Variants in CHST9 observed in about 807,000 individuals in gnomAD.
The protein encoded by CHST9 is GalNAc-4-sulfotransferase 2.
CHST9 carries 41 observed loss-of-function variants against 44.4 expected under a neutral mutation model. The observed-to-expected ratio is 0.92, with a 90% confidence interval of 0.72 to 1.20. The LOEUF (loss-of-function observed/expected upper bound fraction) is 1.20. Ranked by LOEUF, CHST9 falls within the 50% of genes most tolerant of loss-of-function variation. CHST9 has a pLI of 0.00. For missense variants in CHST9, 504 were observed against 516.5 expected, an observed-to-expected ratio of 0.98 and a Z score of 0.23; for synonymous variants, 171 against 178.4, an observed-to-expected ratio of 0.96 and a Z score of 0.33.
At chr18:26,964,841 CAGA>C (rs1330618946) in intron 4 of CHST9, among the ~76,000 whole-genome samples, 2 of 152,232 alleles carry the variant, frequency 1.3e-5, no homozygotes, top group South Asian at 2.1e-4. Flanking sequence ...CAGAGTACAG[CAGA>C]AGAAGAGAGC....
Position 26,915,630 on chromosome 18 carries a change from G to A in CHST9, c.*629C>T, listed in dbSNP as rs1346998190. 1 of 152,086 alleles carries A rather than the reference G, an allele frequency of 6.6e-6. No homozygotes were observed. The highest frequency in any genetic ancestry group is 1.9e-4 in the East Asian group (1 of 5,184). The allele number at this position is 152,086 out of a possible 1,614,324, so 9.4% of individuals were successfully genotyped here. A position where few individuals can be genotyped will look rare whatever the true frequency, so the allele number is the denominator to read the frequency against. On this transcript the variant is annotated 3_prime_UTR_variant, in exon 6 of 6. Coordinates refer to ENST00000618847, the MANE Select transcript of CHST9 (RefSeq NM_031422.6). ...TTTCTGGAAGAAGAAGGTTGGTTTTGTTGCTTTGATCTTAGCATGTTGTGC... is the reference window on the plus strand; with the variant it reads ...TTTCTGGAAGAAGAAGGTTGGTTTTATTGCTTTGATCTTAGCATGTTGTGC...
chr18:27,049,738 C>T (rs1453988824), intron 2 of CHST9, among the ~76,000 whole-genome samples: 1 of 152,118 alleles, frequency 6.6e-6, no homozygotes, highest in Non-Finnish European at 1.5e-5. Flanking sequence ...CTAAGACTGA[C>T]CACGTGCTCA....
intron 2 of CHST9, among the ~76,000 whole-genome samples, chr18:27,121,427 C>A (rs1392734840): frequency 1.3e-5 from 2 of 152,132 alleles, no homozygotes; most frequent in Admixed American, 1.3e-4. Context: ...TCAAATCATA[C>A]TTTCCTAGCC....
At chr18:26,987,524 T>C (rs946018460) in intron 4 of CHST9, among the ~76,000 whole-genome samples, 9 of 152,150 alleles carry the variant, frequency 5.9e-5, no homozygotes, top group African/African-American at 2.2e-4. Flanking sequence ...AAAATAATAA[T>C]AATGTATTGT....
chr18:27,022,956 C>T (rs2057243549), intron 4 of CHST9, among the ~76,000 whole-genome samples: 1 of 152,134 alleles, frequency 6.6e-6, no homozygotes, highest in Non-Finnish European at 1.5e-5. Flanking sequence ...TGGCCCTTGG[C>T]TAAGTGTTTA....
chr18:27,153,542 C>CTGTGTG (rs1395670265), intron 1 of CHST9, among the ~76,000 whole-genome samples: 2 of 98,334 alleles, frequency 2.0e-5, no homozygotes, highest in Non-Finnish European at 4.3e-5. Context: ...CTCTCTCTCT[C>CTGTGTG]TCTCTGTGTG....
At chr18:27,071,437 T>C (rs1389496611) in intron 2 of CHST9, among the ~76,000 whole-genome samples, 2 of 152,236 alleles carry the variant, frequency 1.3e-5, no homozygotes, top group Non-Finnish European at 2.9e-5. Context: ...ATTTAAAATG[T>C]TCTAACTCAT....
chr18:26,953,051 T>C (rs1372102051), intron 4 of CHST9, among the ~76,000 whole-genome samples: 1 of 152,220 alleles, frequency 6.6e-6, no homozygotes, highest in Non-Finnish European at 1.5e-5. Flanking sequence ...ATGATTTTAA[T>C]TGATTTATTA....
intron 4 of CHST9, among the ~76,000 whole-genome samples, chr18:26,989,737 G>T (rs2056794148): frequency 6.6e-6 from 1 of 152,142 alleles, no homozygotes; most frequent in Non-Finnish European, 1.5e-5. Context: ...ATTGCTTGAG[G>T]CCAGGAGTTT....
intron 4 of CHST9, among the ~76,000 whole-genome samples, chr18:27,013,454 A>G (rs2057109119): frequency 1.3e-5 from 2 of 152,216 alleles, no homozygotes; most frequent in Admixed American, 6.5e-5. Context: ...AAATAATTAA[A>G]CAAACAAGAA....
chr18:27,075,271 A>G (rs9967331), intron 2 of CHST9, among the ~76,000 whole-genome samples: 19,662 of 151,740 alleles, frequency 0.13, 1,415 homozygotes, highest in Middle Eastern at 0.22. Flanking sequence ...TTTTCCAACC[A>G]GATAGCAAAC....
At chr18:27,048,344 TC>T (rs2057528161) in intron 3 of CHST9, 120 bp downstream of exon 3, 5 of 686,946 alleles carry the variant, frequency 7.3e-6, no homozygotes. Flanking sequence ...TTAATATCGA[TC>T]AGTTCAAAAA....
chr18:27,024,557 A>G (rs2057262862), intron 3 of CHST9, among the ~76,000 whole-genome samples: 1 of 152,230 alleles, frequency 6.6e-6, no homozygotes. Flanking sequence ...ATTTTCATTT[A>G]TTAATAAAAT....
At chr18:26,919,815 A>G (rs772583748) in intron 5 of CHST9, among the ~76,000 whole-genome samples, 4 of 152,130 alleles carry the variant, frequency 2.6e-5, no homozygotes, top group Non-Finnish European at 5.9e-5. Flanking sequence ...CTCTCTGTAA[A>G]TGAAACTTGG....
At chr18:27,113,158 C>T (rs2058288589) in intron 2 of CHST9, among the ~76,000 whole-genome samples, 1 of 150,352 alleles carries the variant, frequency 6.7e-6, no homozygotes, top group African/African-American at 2.5e-5. Context: ...CACTGCACTC[C>T]AGCCTGGGTG....
intron 1 of CHST9, among the ~76,000 whole-genome samples, chr18:27,171,438 A>G (rs936224325): frequency 2.0e-5 from 3 of 152,214 alleles, no homozygotes; most frequent in Non-Finnish European, 2.9e-5. Context: ...GGTTTTGTGC[A>G]CTGACTACAT....
intron 4 of CHST9, among the ~76,000 whole-genome samples, chr18:27,014,524 T>A (rs1050637790): frequency 3.6e-5 from 5 of 139,244 alleles, no homozygotes; most frequent in African/African-American, 5.5e-5. Flanking sequence ...CGAATGTTTT[T>A]GCAACTAACT....
chr18:26,954,967 A>G (rs1213883174), intron 4 of CHST9, among the ~76,000 whole-genome samples: 3 of 152,104 alleles, frequency 2.0e-5, no homozygotes, highest in Admixed American at 2.0e-4. Context: ...ATATATATTG[A>G]TCTCAGTGGG....
At chr18:27,158,336 T>C (rs543489002) in intron 1 of CHST9, among the ~76,000 whole-genome samples, 5 of 151,076 alleles carry the variant, frequency 3.3e-5, no homozygotes, top group Middle Eastern at 3.4e-3. Context: ...TTCCCACCTA[T>C]GAGTAAGAAC....
Sources: allele counts gnomAD v4.1 joint callset (sites outside exome capture counted in the v4.1 genomes callset), GRCh38; gene constraint gnomAD v4.1.1; transcripts MANE v1.5; gene names NCBI Gene and HGNC (gene_info 2026-07-23, HGNC 2026-07-21).